EPC2: variants seen among roughly 807,000 people sequenced by gnomAD.
The protein encoded by EPC2 is enhancer of polycomb 2.
Under a neutral mutation model 92.1 loss-of-function variants are expected in EPC2, and 14 were observed. The observed-to-expected ratio is 0.15, with a 90% CI of 0.10 to 0.24. The LOEUF is 0.24. Among genes scored for constraint, EPC2 ranks in the 10% least tolerant of loss-of-function variants. The pLI, the probability that EPC2 is intolerant of heterozygous loss-of-function variation, is 1.00. For synonymous variants in EPC2, 340 were observed against 334.7 expected, an observed-to-expected ratio of 1.02 and a Z score of -0.17; for missense variants, 755 against 971.5, an observed-to-expected ratio of 0.78 and a Z score of 2.96.
In EPC2 at chr2:148,786,444, A is replaced by AGGCAACACTCTGTGATC; in HGVS notation, c.*81_*82insATCGGCAACACTCTGTG. On this transcript the variant is annotated 3_prime_UTR_variant, in exon 14 of 14. Transcript: ENST00000258484. ...CATTCATATTCCAGCTGAATGCAAA[A>AGGCAACACTCTGTGATC]GGCAACACTCTGTGGATCACAGAGT... 7.9e-7 allele frequency: 1 copy of AGGCAACACTCTGTGATC among 1,271,646 alleles called. No individual in the cohort carries two copies. The highest frequency in any genetic ancestry group is 1.1e-6 in the Non-Finnish European group (1 of 887,478). The allele number at this position is 1,271,646 out of a possible 1,614,324, so 78.8% of individuals were successfully genotyped here. A position where few individuals can be genotyped will look rare whatever the true frequency, so the allele number is the denominator to read the frequency against.
chr2:148,651,052 A>G (rs941150655), intron 1 of EPC2, among the ~76,000 whole-genome samples: 1 of 152,226 alleles, frequency 6.6e-6, no homozygotes, highest in African/African-American at 2.4e-5. Flanking sequence ...TCAAAAGAGC[A>G]TTAGAGAAAG....
chr2:148,779,595 C>A (rs1683710071), intron 10 of EPC2, among the ~76,000 whole-genome samples: 1 of 152,072 alleles, frequency 6.6e-6, no homozygotes, highest in African/African-American at 2.4e-5. Context: ...AAAAACTGTT[C>A]CTTCTACTAA....
At chr2:148,774,523 G>A (rs1261924749) in intron 10 of EPC2, among the ~76,000 whole-genome samples, 1 of 151,228 alleles carries the variant, frequency 6.6e-6, no homozygotes, top group African/African-American at 2.4e-5. Context: ...GCTGAGGGAG[G>A]AGGATCTCTT....
At chr2:148,653,252 G>A (rs1559138326) in intron 1 of EPC2, among the ~76,000 whole-genome samples, 1 of 152,200 alleles carries the variant, frequency 6.6e-6, no homozygotes, top group Non-Finnish European at 1.5e-5. Context: ...CGTTGTATTG[G>A]TAAACAATGC....
chr2:148,785,388 C>T (rs776207121), intron 13 of EPC2, among the ~76,000 whole-genome samples: 7 of 151,876 alleles, frequency 4.6e-5, no homozygotes, highest in African/African-American at 9.7e-5. Context: ...AGTGCAATGG[C>T]GCAATCTCAG....
intron 10 of EPC2, among the ~76,000 whole-genome samples, chr2:148,776,024 G>A (rs1055003111): frequency 9.9e-5 from 15 of 151,824 alleles, no homozygotes; most frequent in African/African-American, 1.2e-4. Flanking sequence ...CTCGTGATCC[G>A]CCCGCCTTGG....
chr2:148,702,835 T>G (rs200317681), intron 2 of EPC2, among the ~76,000 whole-genome samples: 2 of 150,494 alleles, frequency 1.3e-5, no homozygotes, highest in African/African-American at 2.4e-5. Flanking sequence ...TTTTTTTTTT[T>G]GCCATTTTTT....
rs1683883961 is a variant in EPC2, at chr2:148,787,137, A to T, written c.*760A>T. On this transcript the variant is annotated 3_prime_UTR_variant, in exon 14 of 14. Coordinates refer to ENST00000258484, the MANE Select transcript of EPC2 (RefSeq NM_015630.4). ...CACATTTAAACTGTGCAAATATGAA[A>T]ATTTTTCGAGGATTACATTTTATCT... 1 of 152,632 alleles carries T rather than the reference A, an allele frequency of 6.6e-6. No individual in the cohort carries two copies. Among genetic ancestry groups the T allele is most frequent in the Non-Finnish European group, 1.5e-5 (1 of 68,046 alleles). 9.5% of individuals were successfully genotyped at this position (152,632 alleles called of 1,614,324 possible). A position where few individuals can be genotyped will look rare whatever the true frequency, so the allele number is the denominator to read the frequency against.
intron 11 of EPC2, 148 bp downstream of exon 11, chr2:148,781,928 G>T (rs967659619): frequency 1.3e-5 from 11 of 817,824 alleles, no homozygotes; most frequent in Non-Finnish European, 2.1e-5. Flanking sequence ...GTTAATGTAC[G>T]TAATTTTAAG....
intron 2 of EPC2, among the ~76,000 whole-genome samples, chr2:148,708,372 A>T (rs916088512): frequency 1.3e-5 from 2 of 152,362 alleles, no homozygotes; most frequent in South Asian, 4.1e-4. Flanking sequence ...AACCAAAAAA[A>T]GTCCATGACC....
At chr2:148,672,221 G>A (rs879417583) in intron 1 of EPC2, among the ~76,000 whole-genome samples, 2 of 152,008 alleles carry the variant, frequency 1.3e-5, no homozygotes, top group Admixed American at 1.3e-4. Flanking sequence ...TGTCTTTGAT[G>A]GTTTTTGACT....
chr2:148,663,569 C>T (rs1381957768), intron 1 of EPC2, among the ~76,000 whole-genome samples: 3 of 141,166 alleles, frequency 2.1e-5, no homozygotes, highest in African/African-American at 7.9e-5. Flanking sequence ...TAGCAAAATT[C>T]CAGTTTTACT....
chr2:148,769,263 G>A, intron 8 of EPC2, 23 bp downstream of exon 8: 1 of 1,560,056 alleles, frequency 6.4e-7, no homozygotes, highest in Non-Finnish European at 8.8e-7. Context: ...GTGTGTGTGT[G>A]GTGTTTTTGT....
chr2:148,663,741 T>C (rs1023940666), intron 1 of EPC2, among the ~76,000 whole-genome samples: 7 of 151,928 alleles, frequency 4.6e-5, no homozygotes, highest in Non-Finnish European at 1.0e-4. Context: ...AATTTTTCCA[T>C]GGATGAGGGT....
chr2:148,680,053 T>C (rs17294674), intron 1 of EPC2, among the ~76,000 whole-genome samples: 1,623 of 152,176 alleles, frequency 0.011, 15 homozygotes, highest in Non-Finnish European at 0.017. Flanking sequence ...GAAAAACATA[T>C]TTCTGCCTGG....
intron 2 of EPC2, among the ~76,000 whole-genome samples, chr2:148,725,127 G>A (rs1682468210): frequency 6.6e-6 from 1 of 151,968 alleles, no homozygotes; most frequent in Non-Finnish European, 1.5e-5. Context: ...TCTTAGAGTT[G>A]GCATAGATTT....
intron 2 of EPC2, among the ~76,000 whole-genome samples, chr2:148,726,659 A>G (rs375141312): frequency 5.9e-4 from 89 of 149,582 alleles, no homozygotes; most frequent in African/African-American, 2.2e-3. Flanking sequence ...ACCTCAAAAG[A>G]GTTGAGTATG....
chr2:148,719,028 T>C (rs1480511190), intron 2 of EPC2, among the ~76,000 whole-genome samples: 2 of 152,138 alleles, frequency 1.3e-5, no homozygotes, highest in Non-Finnish European at 2.9e-5. Context: ...CTTGGCCTGT[T>C]CTTCTATTAA....
chr2:148,740,779 A>C (rs1682867118), intron 2 of EPC2, among the ~76,000 whole-genome samples: 1 of 152,130 alleles, frequency 6.6e-6, no homozygotes, highest in Admixed American at 6.6e-5. Flanking sequence ...TCTGCTCCAC[A>C]CTTTCCTAAA....
Sources: allele counts gnomAD v4.1 joint callset (sites outside exome capture counted in the v4.1 genomes callset), GRCh38; gene constraint gnomAD v4.1.1; transcripts MANE v1.5; gene names NCBI Gene and HGNC (gene_info 2026-07-23, HGNC 2026-07-21).